Variants in CAMK1D observed in about 807,000 individuals in gnomAD.
CAMK1D encodes calcium/calmodulin dependent protein kinase ID.
A neutral mutation model predicts 47.7 loss-of-function variants in CAMK1D; 9 were observed. That is an observed-to-expected ratio of 0.19 (90% CI 0.11 to 0.33). CAMK1D has a LOEUF of 0.33. Ranked by LOEUF, CAMK1D falls within the 10% of genes least tolerant of loss-of-function variation. CAMK1D has a pLI of 1.00. For synonymous variants in CAMK1D, 184 were observed against 184.9 expected (o/e 0.99, Z 0.04); for missense variants, 291 against 488.7 (o/e 0.60, Z 3.81).
In CAMK1D at chr10:12,555,126, T is replaced by A. The variant is rs547635809; in HGVS notation, c.224+1770T>A. On this transcript the variant is annotated intron_variant, in intron 2 of 10. Transcript: ENST00000619168. ...CACATAGCAAGAATCTCTGTACAGA[T>A]AAGCAAAGCAGAATGAGAACAAGCC... Among the ~76,000 whole-genome samples, 21 of 152,344 alleles carry A rather than the reference T, an allele frequency of 1.4e-4. No individual in the cohort carries two copies. In the South Asian group the frequency reaches 4.1e-3, roughly 30 times the overall value.
At position 12,580,326 on chromosome 10, in the gene CAMK1D, C is replaced by T. The variant is rs1361204835; in HGVS notation, c.224+26970C>T. ...TATCTGGACTAAAATATGCCCCTCC[C>T]TCCCTTCCTTCCTTTTTTTTTTTTT... On this transcript the variant is annotated intron_variant, in intron 2 of 10. Transcript: ENST00000619168. Among the ~76,000 whole-genome samples, 4 of 148,572 alleles carry T rather than the reference C, an allele frequency of 2.7e-5. No homozygotes were observed. The South Asian group carries it at 8.6e-4, about 32-fold the overall frequency.
intron 1 of CAMK1D, among the ~76,000 whole-genome samples, chr10:12,418,175 G>A (rs1839920584): frequency 6.6e-6 from 1 of 152,244 alleles, no homozygotes; most frequent in African/African-American, 2.4e-5. Context: ...TCCCCAGGGT[G>A]TGGGAGGAGA....
At chr10:12,616,215 C>T (rs1189046572) in intron 2 of CAMK1D, among the ~76,000 whole-genome samples, 1 of 151,956 alleles carries the variant, frequency 6.6e-6, no homozygotes, top group Non-Finnish European at 1.5e-5. Context: ...ATATGGCTAA[C>T]GGTAAGGAAA....
chr10:12,399,605 C>A (rs1839100087), intron 1 of CAMK1D, among the ~76,000 whole-genome samples: 1 of 152,012 alleles, frequency 6.6e-6, no homozygotes, highest in African/African-American at 2.4e-5. Context: ...TACTATGACA[C>A]CTAATGAAGG....
chr10:12,436,138 C>T lies in CAMK1D; in HGVS notation c.92+86228C>T, dbSNP rs79254301. Among the ~76,000 whole-genome samples, 367 of 152,298 alleles carry T rather than the reference C, an allele frequency of 2.4e-3. 2 individuals carry two copies. The highest frequency in any genetic ancestry group is 8.4e-3 in the African/African-American group (348 of 41,564). ...TGAGTGCCAATGGCTTTCCGGGCCCCGGCTTCATCTGTGACTCAAGCCTGT... is the reference window on the plus strand; with the variant it reads ...TGAGTGCCAATGGCTTTCCGGGCCCTGGCTTCATCTGTGACTCAAGCCTGT... On this transcript the variant is annotated intron_variant, in intron 1 of 10. Transcript: ENST00000619168.
chr10:12,796,548 C>T (rs930491572), intron 6 of CAMK1D, among the ~76,000 whole-genome samples: 1 of 152,148 alleles, frequency 6.6e-6, no homozygotes, highest in African/African-American at 2.4e-5. Context: ...ACAGCTGGCT[C>T]TTGATGGAAT....
chr10:12,518,583 G>C (rs1488959696), intron 1 of CAMK1D, among the ~76,000 whole-genome samples: 1 of 99,320 alleles, frequency 1.0e-5, no homozygotes, highest in Non-Finnish European at 2.2e-5. Context: ...AAGGTCAGCA[G>C]ATAAACAAGT....
intron 1 of CAMK1D, among the ~76,000 whole-genome samples, chr10:12,433,376 G>T (rs1010366611): frequency 6.6e-6 from 1 of 151,742 alleles, no homozygotes; most frequent in Admixed American, 6.6e-5. Context: ...CAGGTACAGC[G>T]TAATTTTTTT....
chr10:12,701,551 C>T (rs937997987), intron 3 of CAMK1D, among the ~76,000 whole-genome samples: 55 of 152,212 alleles, frequency 3.6e-4, no homozygotes, highest in African/African-American at 1.2e-3. Flanking sequence ...TCTTTCAGTT[C>T]GATTTTGTTT....
intron 1 of CAMK1D, among the ~76,000 whole-genome samples, chr10:12,534,093 T>G (rs1392146168): frequency 6.6e-6 from 1 of 152,236 alleles, no homozygotes; most frequent in Non-Finnish European, 1.5e-5. Context: ...GGACTGTACT[T>G]TTGTAATTTG....
chr10:12,666,865 T>A, intron 3 of CAMK1D, 55 bp downstream of exon 3: 1 of 1,374,158 alleles, frequency 7.3e-7, no homozygotes, highest in Non-Finnish European at 1.0e-6. Flanking sequence ...CTCCAATGTC[T>A]AAAGGGATCA....
intron 2 of CAMK1D, among the ~76,000 whole-genome samples, chr10:12,560,556 A>G (rs1588633246): frequency 3.1e-5 from 3 of 95,292 alleles, no homozygotes; most frequent in African/African-American, 8.4e-5. Flanking sequence ...TCTATCTCGG[A>G]AAAAAAAAAA....
intron 2 of CAMK1D, among the ~76,000 whole-genome samples, chr10:12,585,432 G>C (rs914107391): frequency 5.9e-5 from 9 of 152,202 alleles, no homozygotes; most frequent in Non-Finnish European, 1.3e-4. Context: ...GTTCCTAGGA[G>C]GGCTCAGTCT....
chr10:12,689,486 G>T lies in CAMK1D; in HGVS notation c.299+22676G>T, dbSNP rs559035684. Among the ~76,000 whole-genome samples, 24 of 152,170 alleles carry T rather than the reference G, an allele frequency of 1.6e-4. 1 individual carries two copies. In the East Asian group the frequency reaches 4.4e-3, roughly 28 times the overall value. ...CTCACAAGAGTAGATATTAAGAATT[G>T]GTTTGAACTTGCCGGGCGTGGTGGT... On this transcript the variant is annotated intron_variant, in intron 3 of 10. Coordinates refer to ENST00000619168, the MANE Select transcript of CAMK1D (RefSeq NM_153498.4).
At chr10:12,687,267 A>G (rs529359747) in intron 3 of CAMK1D, among the ~76,000 whole-genome samples, 5 of 151,036 alleles carry the variant, frequency 3.3e-5, no homozygotes, top group South Asian at 2.1e-4. Flanking sequence ...TATTGATACT[A>G]TGCTCAGAAA....
In CAMK1D at chr10:12,769,752, G is replaced by T. The variant is rs1001126310; in HGVS notation, c.518G>T (p.Gly173Val). The stretch of plus-strand genomic sequence containing the variant: ...GACTTTGGATTGTCAAAAATGGAGG[G>T]CAAAGGAGATGTGATGTCCACTGCC... ...ISDFGLSKMEGKGDVMSTACG... is the reference protein window; with the variant it reads ...ISDFGLSKMEVKGDVMSTACG... The change falls in exon 5 of 11, where the codon GGC (glycine) becomes GTC (valine). Residue 173 changes from glycine to valine, a missense_variant. Around this residue, in one of 2 missense-constraint regions of CAMK1D, gnomAD observed 219 missense variants for 424.3 expected, o/e 0.52. Transcript: ENST00000619168. The T allele has an allele frequency of 6.2e-7, 1 of 1,614,172 alleles. No individual in the cohort carries two copies. The highest frequency in any genetic ancestry group is 8.5e-7 in the Non-Finnish European group (1 of 1,180,016).
intron 1 of CAMK1D, among the ~76,000 whole-genome samples, chr10:12,549,797 C>A (rs1046783121): frequency 2.0e-5 from 3 of 152,204 alleles, no homozygotes; most frequent in South Asian, 4.1e-4. Context: ...ATCCTAGCTC[C>A]ACGGGCACTA....
rs532329976 is a variant in CAMK1D at position 12,472,865 on chromosome 10, C to G, written c.93-80360C>G. Among the ~76,000 whole-genome samples the G allele has an allele frequency of 2.0e-5, 3 of 152,246 alleles. No homozygotes were observed. The East Asian group carries it at 5.8e-4, about 29-fold the overall frequency. ...TTGATCATTTTCTATATGCAGGGCC[C>G]TTAACTTGAGGCTGCGAGTACAGGG... is the stretch of plus-strand genomic sequence containing the variant. On this transcript the variant is annotated intron_variant, in intron 1 of 10. Transcript: ENST00000619168.
intron 6 of CAMK1D, among the ~76,000 whole-genome samples, chr10:12,809,510 A>T (rs377385268): frequency 2.0e-5 from 3 of 152,258 alleles, no homozygotes; most frequent in East Asian, 1.9e-4. Context: ...GAGTGGTTAA[A>T]CTGTGGTAGA....
Sources: allele counts gnomAD v4.1 joint callset (sites outside exome capture counted in the v4.1 genomes callset), GRCh38; gene constraint gnomAD v4.1.1; regional missense constraint gnomAD v4.1.1; transcripts MANE v1.5; gene names NCBI Gene and HGNC (gene_info 2026-07-23, HGNC 2026-07-21).